The following CARS1 variants were observed in gnomAD, a reference collection of about 807,000 sequenced individuals.
CARS1 encodes cysteinyl-tRNA synthetase 1, also known as cysteine--tRNA ligase, cytoplasmic.
Under a neutral mutation model 106.2 loss-of-function variants are expected in CARS1, and 48 were observed. That is an observed-to-expected ratio of 0.45 (90% CI 0.36 to 0.57). The LOEUF is 0.57. CARS1 is among the 20% of genes least tolerant of loss of function. The pLI, the probability that CARS1 is intolerant of heterozygous loss-of-function variation, is 0.00. For synonymous variants in CARS1, 409 were observed against 403.4 expected, an observed-to-expected ratio of 1.01 and a Z score of -0.17; for missense variants, 968 against 1,057.2, an observed-to-expected ratio of 0.92 and a Z score of 1.17.
rs1850545373 is a variant in CARS1 at position 3,012,205 on chromosome 11, T to G, written c.2058A>C (p.Arg686=). 6.2e-7 allele frequency: 1 copy of G among 1,614,174 alleles called. No homozygotes were observed. Among genetic ancestry groups the G allele is most frequent in the Non-Finnish European group, 8.5e-7 (1 of 1,179,986 alleles). Residue 686 remains arginine (R), a synonymous_variant, in exon 18 of 23, where the codon CGA becomes CGC. Transcript: ENST00000380525. ...GCAACTGGTCCTCACCTTTTTGCTC[T>G]CGGGCAATCTTCCGCACTCCTTCTC... ...EFREGVRKIA[R]EQKVPEILQL...
chr11:3,023,606 G>A (rs1024043436), intron 10 of CARS1, among the ~76,000 whole-genome samples: 3 of 152,130 alleles, frequency 2.0e-5, no homozygotes, highest in Admixed American at 6.5e-5. Context: ...CATTGCCCAC[G>A]ATGGTCTTGA....
At chr11:3,032,357 C>T (rs1452650690) in intron 7 of CARS1, among the ~76,000 whole-genome samples, 2 of 152,068 alleles carry the variant, frequency 1.3e-5, no homozygotes, top group Non-Finnish European at 2.9e-5. Flanking sequence ...AGGCGTGAGC[C>T]ACCGCGCCCG....
intron 14 of CARS1, 66 bp downstream of exon 14, chr11:3,018,342 G>A: frequency 1.9e-6 from 2 of 1,073,166 alleles, no homozygotes; most frequent in Non-Finnish European, 2.8e-6. Context: ...TATCACCACT[G>A]CACAAGGTGC....
chr11:3,026,733 A>G lies in CARS1; in HGVS notation c.1096T>C (p.Tyr366His). The G allele has an allele frequency of 2.5e-6, 4 of 1,614,000 alleles. No individual in the cohort carries two copies. Among genetic ancestry groups the G allele is most frequent in the Non-Finnish European group, 3.4e-6 (4 of 1,179,944 alleles). ...ACGGCCTCAGGCACCAGCTTCCCAT[A>G]GGAGTGCTTCTCGCTAGAAGCAAAC... ...AKFASSEKHS[Y>H]GKLVPEAVGD... The change falls in exon 10 of 23, where the codon TAT becomes CAT. Residue 366 changes from tyrosine to histidine, a missense_variant. Coordinates refer to ENST00000380525, the MANE Select transcript of CARS1 (RefSeq NM_001014437.3).
intron 10 of CARS1, 79 bp downstream of exon 10, chr11:3,026,597 C>T: frequency 1.3e-6 from 2 of 1,526,542 alleles, no homozygotes; most frequent in Non-Finnish European, 1.8e-6. Flanking sequence ...CAGCGCAGCC[C>T]CCGTGGCCTG....
intron 10 of CARS1, among the ~76,000 whole-genome samples, chr11:3,023,647 G>A (rs772228589): frequency 6.6e-6 from 1 of 151,892 alleles, no homozygotes; most frequent in East Asian, 1.9e-4. Flanking sequence ...CTCCTGCCTC[G>A]GCCTCCCAAA....
intron 7 of CARS1, among the ~76,000 whole-genome samples, chr11:3,032,198 G>A (rs749935194): frequency 1.5e-4 from 22 of 151,634 alleles, no homozygotes; most frequent in Non-Finnish European, 2.2e-4. Context: ...TCAGCCTCCC[G>A]AGTAGAAGGG....
In CARS1 at chr11:3,029,276, C is replaced by A. The variant is rs1852446658; in HGVS notation, c.942+27G>T. The stretch of plus-strand genomic sequence containing the variant: ...AATCAGGGCCCTTAGCGCAAGAGAG[C>A]CAGCACAAGACAATCGTGACACTTA... On this transcript the variant is annotated intron_variant, in intron 8 of 22. Transcript: ENST00000380525. The surrounding 1 kb of genome is among the most constrained non-coding windows in gnomAD (Gnocchi z 5.9). 6.2e-7 allele frequency: 1 copy of A among 1,610,642 alleles called. No individual in the cohort carries two copies. The highest frequency in any genetic ancestry group is 8.5e-7 in the Non-Finnish European group (1 of 1,177,142).
Position 3,039,371 on chromosome 11 carries a change from T to A in CARS1, c.553-79A>T. 1.1e-6 allele frequency: 1 copy of A among 881,916 alleles called. No individual in the cohort carries two copies. The highest frequency in any genetic ancestry group is 1.9e-6 in the Non-Finnish European group (1 of 526,620). 54.6% of individuals were successfully genotyped at this position (881,916 alleles called of 1,614,324 possible). A position where few individuals can be genotyped will look rare whatever the true frequency, so the allele number is the denominator to read the frequency against. ...CTCTGCAGCAGGCCACTCTCTCCCT[T>A]GGCCAACTCTAAGTGAGGGTGAGGG... On this transcript the variant is annotated intron_variant, in intron 5 of 22. Transcript: ENST00000380525. The surrounding 1 kb of genome is among the most constrained non-coding windows in gnomAD (Gnocchi z 5.6).
chr11:3,034,195 CTTT>C lies in CARS1; in HGVS notation c.801+3852_801+3854del, dbSNP rs1265313858. ...TTTTCTGTTTTTTTGTTTGTTTGTT[CTTT>C]TTTTTGTTTTCTGTTTTTTGTTTTG... On this transcript the variant is annotated intron_variant, in intron 7 of 22. Transcript: ENST00000380525. This position sits in a 1 kb window ranked among gnomAD's most constrained non-coding sequence, Gnocchi z 6.3. Among the ~76,000 whole-genome samples, 1 of 147,306 alleles carries C rather than the reference CTTT, an allele frequency of 6.8e-6. No homozygotes were observed. Among genetic ancestry groups the C allele is most frequent in the Non-Finnish European group, 1.5e-5 (1 of 66,176 alleles).
At chr11:3,015,018 G>C (rs993200290) in intron 17 of CARS1, among the ~76,000 whole-genome samples, 1 of 152,242 alleles carries the variant, frequency 6.6e-6, no homozygotes, top group African/African-American at 2.4e-5. Context: ...CTTGACCTGG[G>C]AGCAGGTGGA....
chr11:3,050,109 GAGA>G lies in CARS1; in HGVS notation c.26-2111_26-2109del, dbSNP rs1379016043. ...CAAGGCCCAGCCTCCGTGGCTGCCGGAGAAGATGTCCTGAAGCCACCTCTTCTC... is the reference window on the plus strand; with the variant it reads ...CAAGGCCCAGCCTCCGTGGCTGCCGGAGATGTCCTGAAGCCACCTCTTCTC... On this transcript the variant is annotated intron_variant, in intron 1 of 22. Transcript: ENST00000380525. This position sits in a 1 kb window ranked among gnomAD's most constrained non-coding sequence, Gnocchi z 6.3. Among the ~76,000 whole-genome samples, 2 of 152,228 alleles carry G rather than the reference GAGA, an allele frequency of 1.3e-5. No individual in the cohort carries two copies. The highest frequency in any genetic ancestry group is 2.4e-5 in the African/African-American group (1 of 41,454).
rs535194269 is a variant in CARS1 at position 3,040,799 on chromosome 11, G to A, written c.455+97C>T. 32 of 1,263,924 alleles carry A rather than the reference G, an allele frequency of 2.5e-5. No homozygotes were observed. In the South Asian group the frequency reaches 3.8e-4, roughly 15 times the overall value. The allele number at this position is 1,263,924 out of a possible 1,614,324, so 78.3% of individuals were successfully genotyped here. ...TCTCAGGTCTCTGTAGCAGATCTAA[G>A]ATCTTTGTGGACCTAAGATCGCTGC... On this transcript the variant is annotated intron_variant, in intron 4 of 22. Coordinates refer to ENST00000380525, the MANE Select transcript of CARS1 (RefSeq NM_001014437.3). This position sits in a 1 kb window ranked among gnomAD's most constrained non-coding sequence, Gnocchi z 5.8.
intron 17 of CARS1, among the ~76,000 whole-genome samples, chr11:3,012,826 C>A (rs935779833): frequency 6.6e-6 from 1 of 152,116 alleles, no homozygotes; most frequent in Admixed American, 6.5e-5. Flanking sequence ...AGATTCACCA[C>A]CCACAGTAAC....
In CARS1 at chr11:3,032,745, G is replaced by A. The variant is rs540392877; in HGVS notation, c.802-3302C>T. On this transcript the variant is annotated intron_variant, in intron 7 of 22. Transcript: ENST00000380525. ...AAAGACTAGCTGCTGTCAGGAGTTG[G>A]GGTGGGGAGGAAGGGATAATAGCTG... Among the ~76,000 whole-genome samples the A allele has an allele frequency of 1.1e-4, 17 of 152,030 alleles. No homozygotes were observed. In the South Asian group the frequency reaches 1.3e-3, roughly 11 times the overall value.
rs1238170369 is a variant in CARS1 at position 3,050,943 on chromosome 11, G to C, written c.26-2942C>G. On this transcript the variant is annotated intron_variant, in intron 1 of 22. Coordinates refer to ENST00000380525, the MANE Select transcript of CARS1 (RefSeq NM_001014437.3). The surrounding 1 kb of genome is among the most constrained non-coding windows in gnomAD (Gnocchi z 6.3). ...GCTCCATCTACCTTATTCACTGCTC[G>C]ATCTTCAGCATCTACAACTGAGCGT... Among the ~76,000 whole-genome samples the C allele has an allele frequency of 1.3e-5, 2 of 152,200 alleles. No individual in the cohort carries two copies. Among genetic ancestry groups the C allele is most frequent in the Non-Finnish European group, 2.9e-5 (2 of 68,044 alleles).
intron 18 of CARS1, among the ~76,000 whole-genome samples, chr11:3,011,629 C>A (rs1850474400): frequency 6.6e-6 from 1 of 151,952 alleles, no homozygotes; most frequent in Non-Finnish European, 1.5e-5. Context: ...AACAAACAAA[C>A]AAAAAGATGA....
intron 18 of CARS1, among the ~76,000 whole-genome samples, chr11:3,011,794 C>G (rs1001794457): frequency 2.0e-5 from 3 of 152,224 alleles, no homozygotes; most frequent in Non-Finnish European, 4.4e-5. Flanking sequence ...ACCCAGCCTA[C>G]CAGGTCACCA....
In CARS1 at chr11:3,028,711, A is replaced by C; in HGVS notation, c.1031+285T>G. 1 of 468,936 alleles carries C rather than the reference A, an allele frequency of 2.1e-6. No individual in the cohort carries two copies. Among genetic ancestry groups the C allele is most frequent in the Non-Finnish European group, 3.8e-6 (1 of 265,132 alleles). The allele number at this position is 468,936 out of a possible 1,614,324, so 29.0% of individuals were successfully genotyped here. ...TGAAGGCCCAGCAGTATTCGCACTCACCATTATGCAGCTCTGGGGCCCCAT... is the reference window on the plus strand; with the variant it reads ...TGAAGGCCCAGCAGTATTCGCACTCCCCATTATGCAGCTCTGGGGCCCCAT... On this transcript the variant is annotated intron_variant, in intron 9 of 22. Transcript: ENST00000380525. The surrounding 1 kb of genome is among the most constrained non-coding windows in gnomAD (Gnocchi z 4.4).
Sources: gnomAD v4.1 joint callset for allele counts (sites outside exome capture counted in the v4.1 genomes callset) on GRCh38, gnomAD v4.1.1 for gene constraint, Gnocchi (gnomAD v3.1) non-coding constraint, MANE v1.5 for transcripts, NCBI Gene and HGNC (gene_info 2026-07-23, HGNC 2026-07-21) for gene names.